NT5M: variants seen among roughly 807,000 people sequenced by gnomAD.
NT5M encodes the protein 5',3'-nucleotidase, mitochondrial.
A neutral mutation model predicts 22.2 loss-of-function variants in NT5M; 22 were observed. The observed-to-expected ratio is 0.99, with a 90% CI of 0.71 to 1.41. The LOEUF (loss-of-function observed/expected upper bound fraction) is 1.41, where lower values mean the gene tolerates loss of function less well. Ranked by LOEUF, NT5M falls within the 40% of genes most tolerant of loss-of-function variation. The pLI, the probability that NT5M is intolerant of heterozygous loss-of-function variation, is 0.00. For synonymous variants in NT5M, 167 were observed against 133.0 expected (o/e 1.26, Z -1.76); for missense variants, 322 against 314.8 (o/e 1.02, Z -0.17).
At chr17:17,319,895 T>C (rs2049114552) in intron 2 of NT5M, among the ~76,000 whole-genome samples, 1 of 152,218 alleles carries the variant, frequency 6.6e-6, no homozygotes, top group Non-Finnish European at 1.5e-5. Flanking sequence ...CAGGCTGGAG[T>C]GCAGTGGTGT....
In NT5M at chr17:17,317,900, T is replaced by TG. The variant is rs1296712802; in HGVS notation, c.369-5284dup. ...TCGCTTGAACCCAGGAGGTGGAGGT[T>TG]GCAGTGAGCTGAGATCATGCCACTG... On this transcript the variant is annotated intron_variant, in intron 2 of 4. Coordinates refer to ENST00000389022, the MANE Select transcript of NT5M (RefSeq NM_020201.4). 2.1e-5 allele frequency among the ~76,000 whole-genome samples: 3 copies of TG among 140,940 alleles called. No homozygotes were observed. In the East Asian group the frequency reaches 6.5e-4, roughly 30 times the overall value. 92.5% of individuals were successfully genotyped at this position (140,940 alleles called of 152,430 possible).
At chr17:17,305,015 A>C (rs1343657485) in intron 1 of NT5M, among the ~76,000 whole-genome samples, 3 of 152,032 alleles carry the variant, frequency 2.0e-5, no homozygotes, top group Non-Finnish European at 4.4e-5. Flanking sequence ...TAAACTTTAA[A>C]CTGGAGAAAA....
At chr17:17,309,831 G>GT (rs1221971206) in intron 2 of NT5M, among the ~76,000 whole-genome samples, 2,619 of 148,038 alleles carry the variant, frequency 0.018, 93 homozygotes, top group African/African-American at 0.062. Context: ...TGTGGTTTTT[G>GT]TTTTTTTTTT....
intron 4 of NT5M, among the ~76,000 whole-genome samples, chr17:17,346,130 G>GTACCCACCCCA: frequency 6.6e-6 from 1 of 152,190 alleles, no homozygotes. Flanking sequence ...CTCCACGAGT[G>GTACCCACCCCA]TACCCACCCC....
chr17:17,313,917 T>G (rs1017550005), intron 2 of NT5M, among the ~76,000 whole-genome samples: 1 of 152,230 alleles, frequency 6.6e-6, no homozygotes, highest in Non-Finnish European at 1.5e-5. Flanking sequence ...CCTGCCCTGT[T>G]CCAGCAGCTC....
intron 1 of NT5M, 69 bp from the exon 2 acceptor site, chr17:17,306,474 T>A: frequency 9.3e-7 from 1 of 1,075,340 alleles, no homozygotes; most frequent in Non-Finnish European, 1.4e-6. Context: ...AGCCTGGCCA[T>A]ACTCCCCAAG....
At chr17:17,305,885 A>G (rs1433382803) in intron 1 of NT5M, among the ~76,000 whole-genome samples, 1 of 152,136 alleles carries the variant, frequency 6.6e-6, no homozygotes. Context: ...TTGCTGTGTG[A>G]CATCAGGTGG....
At position 17,346,867 on chromosome 17, in the gene NT5M, C is replaced by T. The variant is rs1490983540; in HGVS notation, c.607C>T (p.Gln203Ter). Residue 203 changes from glutamine to a stop codon, truncating the protein, a stop_gained, in exon 5 of 5, where the codon CAG (glutamine) becomes TAG (stop). Transcript: ENST00000389022. LOFTEE classifies it high-confidence loss of function. ...LFTACHNQHL[Q>*]LQPPRRRLHS... ...CACCGCCTGCCACAACCAGCACCTGCAGCTGCAGCCCCCCCGCCGCAGGCT... is the reference window on the plus strand; with the variant it reads ...CACCGCCTGCCACAACCAGCACCTGTAGCTGCAGCCCCCCCGCCGCAGGCT... The T allele has an allele frequency of 6.2e-7, 1 of 1,608,656 alleles. No individual in the cohort carries two copies. The highest frequency in any genetic ancestry group is 1.7e-4 in the Middle Eastern group (1 of 6,026).
In NT5M at chr17:17,347,167, A is replaced by G. The variant is rs557438976; in HGVS notation, c.*220A>G. 1.7e-5 allele frequency: 10 copies of G among 598,992 alleles called. No homozygotes were observed. The highest frequency in any genetic ancestry group is 2.9e-5 in the Non-Finnish European group (10 of 350,852). The allele number at this position is 598,992 out of a possible 1,614,324, so 37.1% of individuals were successfully genotyped here. A position where few individuals can be genotyped will look rare whatever the true frequency, so the allele number is the denominator to read the frequency against. On this transcript the variant is annotated 3_prime_UTR_variant, in exon 5 of 5. Transcript: ENST00000389022. ...CGCTTGGACATAGACACGTGGTCCC[A>G]GGCCGTTCAGCCTGACCTCAGGCAG...
chr17:17,343,484 C>T (rs144495903), intron 3 of NT5M, among the ~76,000 whole-genome samples: 4 of 152,184 alleles, frequency 2.6e-5, no homozygotes, highest in African/African-American at 4.8e-5. Flanking sequence ...GTGTGCTGGC[C>T]GGTTGCAGAG....
intron 1 of NT5M, chr17:17,304,239 T>C (rs1173361360): frequency 4.1e-6 from 1 of 243,486 alleles, no homozygotes; most frequent in African/African-American, 2.3e-5. Flanking sequence ...TTTACTGTTG[T>C]CCATGAAAGC....
At chr17:17,325,801 C>T (rs1459675624) in intron 3 of NT5M, among the ~76,000 whole-genome samples, 6 of 152,118 alleles carry the variant, frequency 3.9e-5, no homozygotes, top group Non-Finnish European at 5.9e-5. Flanking sequence ...ACCCCTAGGT[C>T]TGGTGCCTTC....
chr17:17,338,318 G>A (rs1369446349), intron 3 of NT5M, among the ~76,000 whole-genome samples: 1 of 151,904 alleles, frequency 6.6e-6, no homozygotes, highest in Non-Finnish European at 1.5e-5. Context: ...TCAGCCTCTG[G>A]AGTAGCTGGG....
chr17:17,318,733 C>T (rs971181641), intron 2 of NT5M, among the ~76,000 whole-genome samples: 15 of 133,332 alleles, frequency 1.1e-4, no homozygotes, highest in African/African-American at 3.6e-4. Flanking sequence ...TGCAGTGAGC[C>T]GAGATCACGC....
At chr17:17,323,139 T>G in intron 2 of NT5M, 46 bp from the exon 3 acceptor site, 2 of 1,551,604 alleles carry the variant, frequency 1.3e-6, no homozygotes, top group Non-Finnish European at 1.8e-6. Flanking sequence ...CTCGGGGTGG[T>G]GAAGTCATGG....
At chr17:17,344,679 T>A (rs1298131665) in intron 3 of NT5M, 115 bp from the exon 4 acceptor site, 1 of 1,295,874 alleles carries the variant, frequency 7.7e-7, no homozygotes, top group African/African-American at 1.5e-5. Flanking sequence ...CAGGCCTCCA[T>A]CCCTCCCTGC....
At chr17:17,303,944 T>TCTGGGGGGGA (rs1279942468) in intron 1 of NT5M, 127 bp downstream of exon 1, 2 of 1,285,692 alleles carry the variant, frequency 1.6e-6, no homozygotes, top group East Asian at 3.1e-5. Flanking sequence ...TAGAATAGGG[T>TCTGGGGGGGA]CTGGGGGGGA....
chr17:17,305,394 G>GC lies in NT5M; in HGVS notation c.268-1136dup, dbSNP rs34579357. 7.2e-3 allele frequency among the ~76,000 whole-genome samples: 532 copies of GC among 74,036 alleles called. 6 individuals are homozygous for GC. Among genetic ancestry groups the GC allele is most frequent in the South Asian group, 0.022 (33 of 1,526 alleles). 48.6% of individuals were successfully genotyped at this position (74,036 alleles called of 152,430 possible). ...CCCAGTATCTGTGGTTAAAACAACCGCCCCCCCCCCCCCGCCCCCACACAC... is the reference window on the plus strand; with the variant it reads ...CCCAGTATCTGTGGTTAAAACAACCGCCCCCCCCCCCCCCGCCCCCACACAC... On this transcript the variant is annotated intron_variant, in intron 1 of 4. Transcript: ENST00000389022.
chr17:17,305,843 T>C (rs1448933381), intron 1 of NT5M, among the ~76,000 whole-genome samples: 1 of 152,066 alleles, frequency 6.6e-6, no homozygotes, highest in Non-Finnish European at 1.5e-5. Context: ...AGGGTTGGTG[T>C]TGGGGGTTCT....
Sources: gnomAD v4.1 joint callset for allele counts (sites outside exome capture counted in the v4.1 genomes callset) on GRCh38, gnomAD v4.1.1 for gene constraint, MANE v1.5 for transcripts, NCBI Gene and HGNC (gene_info 2026-07-23, HGNC 2026-07-21) for gene names.